UST: variants seen among roughly 807,000 people sequenced by gnomAD.
UST encodes uronyl 2-sulfotransferase.
In UST, 21 loss-of-function variants were observed where a neutral mutation model predicts 45.6. The observed-to-expected ratio is 0.46, with a 90% CI of 0.33 to 0.66. The LOEUF (loss-of-function observed/expected upper bound fraction) is 0.66, where lower values mean the gene tolerates loss of function less well. Ranked by LOEUF, UST falls within the 30% of genes least tolerant of loss-of-function variation. The pLI is 0.02. For missense variants in UST, 463 were observed against 512.4 expected, an observed-to-expected ratio of 0.90 and a Z score of 0.93; for synonymous variants, 215 against 200.6, an observed-to-expected ratio of 1.07 and a Z score of -0.61.
intron 1 of UST, among the ~76,000 whole-genome samples, chr6:148,840,936 T>G (rs1425590284): frequency 6.6e-6 from 1 of 151,892 alleles, no homozygotes; most frequent in South Asian, 2.1e-4. Context: ...CAGCTTGGTG[T>G]GTGTCCTTAC....
intron 7 of UST, among the ~76,000 whole-genome samples, chr6:149,023,912 A>C (rs1052894350): frequency 6.6e-6 from 1 of 152,228 alleles, no homozygotes; most frequent in African/African-American, 2.4e-5. Context: ...TAATTCAAGG[A>C]GAAAAGATTT....
intron 2 of UST, among the ~76,000 whole-genome samples, chr6:148,904,445 TATA>T (rs1779320053): frequency 6.6e-6 from 1 of 152,110 alleles, no homozygotes. Context: ...ATTTTATATA[TATA>T]ATAAAATAAG....
intron 2 of UST, among the ~76,000 whole-genome samples, chr6:148,899,336 T>A (rs541222223): frequency 6.6e-6 from 1 of 152,278 alleles, no homozygotes; most frequent in South Asian, 2.1e-4. Context: ...CCTGACCTCA[T>A]GATCTGCCCG....
At chr6:148,831,501 A>G (rs1777686451) in intron 1 of UST, among the ~76,000 whole-genome samples, 2 of 152,138 alleles carry the variant, frequency 1.3e-5, no homozygotes, top group African/African-American at 4.8e-5. Flanking sequence ...TGTATTTTCT[A>G]TTTTCACTTA....
rs370935925 is a variant in UST at position 148,786,003 on chromosome 6, TATC to T, written c.247+38329_247+38331del. Among the ~76,000 whole-genome samples, 931 of 152,236 alleles carry T rather than the reference TATC, an allele frequency of 6.1e-3. 5 individuals are homozygous for T. Among genetic ancestry groups the T allele is most frequent in the Middle Eastern group, 0.01 (3 of 294 alleles). On this transcript the variant is annotated intron_variant, in intron 1 of 7. Coordinates refer to ENST00000367463, the MANE Select transcript of UST (RefSeq NM_005715.3). ...TTATTTTGCCCTGTTCAGACAAAAATATCATGTTAGCTTTTTAAATAGTATATA... is the reference window on the plus strand; with the variant it reads ...TTATTTTGCCCTGTTCAGACAAAAATATGTTAGCTTTTTAAATAGTATATA...
chr6:149,005,980 C>T (rs1266797237), intron 5 of UST, among the ~76,000 whole-genome samples: 1 of 152,214 alleles, frequency 6.6e-6, no homozygotes, highest in African/African-American at 2.4e-5. Flanking sequence ...AGGGTCCCCA[C>T]TGTGGCCAAA....
chr6:148,964,327 A>C, intron 4 of UST, 83 bp from the exon 5 acceptor site: 1 of 1,532,344 alleles, frequency 6.5e-7, no homozygotes, highest in South Asian at 1.2e-5. Flanking sequence ...AAGTTAACCT[A>C]GAGGGAAGGG....
chr6:148,882,791 G>T (rs1199476715), intron 1 of UST, among the ~76,000 whole-genome samples: 1 of 152,190 alleles, frequency 6.6e-6, no homozygotes, highest in Non-Finnish European at 1.5e-5. Context: ...TAGATAAAAT[G>T]ATCTTTACAA....
At chr6:148,771,403 A>G (rs73781499) in intron 1 of UST, among the ~76,000 whole-genome samples, 16,237 of 152,206 alleles carry the variant, frequency 0.11, 943 homozygotes, top group Non-Finnish European at 0.13. Context: ...CAGCCTTCCA[A>G]CGCTTGTTGG....
chr6:148,828,230 A>ATTATTTAT (rs10699115), intron 1 of UST, among the ~76,000 whole-genome samples: 3,963 of 148,682 alleles, frequency 0.027, 130 homozygotes, highest in African/African-American at 0.078. Flanking sequence ...GTTAGTCTAT[A>ATTATTTAT]TTATTTATTT....
chr6:148,874,536 G>A (rs1778613857), intron 1 of UST, among the ~76,000 whole-genome samples: 1 of 152,138 alleles, frequency 6.6e-6, no homozygotes, highest in South Asian at 2.1e-4. Context: ...GATCAAGAAA[G>A]TACTTTTCGG....
At chr6:148,911,498 AC>A (rs1779474400) in intron 2 of UST, among the ~76,000 whole-genome samples, 1 of 152,096 alleles carries the variant, frequency 6.6e-6, no homozygotes, top group Admixed American at 6.6e-5. Context: ...TTGGGAGGCA[AC>A]TAGCTCTTAC....
At chr6:148,929,725 G>A (rs1160136002) in intron 2 of UST, among the ~76,000 whole-genome samples, 1 of 152,164 alleles carries the variant, frequency 6.6e-6, no homozygotes. Flanking sequence ...ATTGATACAT[G>A]GAGATGTAAC....
chr6:148,998,887 A>C (rs1430732378), intron 5 of UST, among the ~76,000 whole-genome samples: 1 of 152,236 alleles, frequency 6.6e-6, no homozygotes, highest in Non-Finnish European at 1.5e-5. Context: ...TGCCTGGTTA[A>C]CCAAGGCAGC....
chr6:148,923,108 C>G lies in UST; in HGVS notation c.292-18171C>G, dbSNP rs573338349. Among the ~76,000 whole-genome samples, 3 of 152,112 alleles carry G rather than the reference C, an allele frequency of 2.0e-5. No homozygotes were observed. In the East Asian group the frequency reaches 5.8e-4, roughly 29 times the overall value. On this transcript the variant is annotated intron_variant, in intron 2 of 7. Transcript: ENST00000367463. Reference sequence around the variant, plus strand: ...CCTTTTAGTGTCCAGCTGCCTGTACCCAACTCCCACCCTTAAAAAAAATGC... The same window carrying G: ...CCTTTTAGTGTCCAGCTGCCTGTACGCAACTCCCACCCTTAAAAAAAATGC...
At chr6:149,042,728 A>C (rs749255820) in intron 7 of UST, among the ~76,000 whole-genome samples, 3 of 152,234 alleles carry the variant, frequency 2.0e-5, no homozygotes, top group Non-Finnish European at 4.4e-5. Flanking sequence ...CCACAGCAGA[A>C]GTTCTTAACC....
chr6:148,901,323 G>A (rs1203414148), intron 2 of UST, among the ~76,000 whole-genome samples: 1 of 152,154 alleles, frequency 6.6e-6, no homozygotes, highest in Non-Finnish European at 1.5e-5. Flanking sequence ...GATAGGTTAG[G>A]GTGATGCAAT....
chr6:148,946,171 A>C (rs1780230854), intron 3 of UST, among the ~76,000 whole-genome samples: 1 of 152,208 alleles, frequency 6.6e-6, no homozygotes. Context: ...GTAAAAGTCT[A>C]CAGGCTACAG....
intron 1 of UST, among the ~76,000 whole-genome samples, chr6:148,843,298 T>C (rs901928883): frequency 6.6e-6 from 1 of 152,222 alleles, no homozygotes; most frequent in African/African-American, 2.4e-5. Flanking sequence ...CAGAAGATAT[T>C]GGTCCTTACT....
Sources: gnomAD v4.1 joint callset for allele counts (sites outside exome capture counted in the v4.1 genomes callset) on GRCh38, gnomAD v4.1.1 for gene constraint, MANE v1.5 for transcripts, NCBI Gene and HGNC (gene_info 2026-07-23, HGNC 2026-07-21) for gene names.